Variants in NPAS3 observed in about 807,000 individuals in gnomAD.
NPAS3 encodes the protein neuronal PAS domain-containing protein 3.
NPAS3 carries 14 observed loss-of-function variants against 73.1 expected under a neutral mutation model. The ratio of observed to expected loss-of-function variants is 0.19; its 90% confidence interval spans 0.13 to 0.30. NPAS3 has a LOEUF of 0.30. Among genes scored for constraint, NPAS3 ranks in the 10% least tolerant of loss-of-function variants. The pLI is 1.00. For synonymous variants in NPAS3, 620 were observed against 541.5 expected (o/e 1.14, Z -2.01); for missense variants, 1,096 against 1,250.0 (o/e 0.88, Z 1.86).
chr14:33,534,241 T>C (rs1302531696), intron 4 of NPAS3, among the ~76,000 whole-genome samples: 1 of 150,940 alleles, frequency 6.6e-6, no homozygotes, highest in Non-Finnish European at 1.5e-5. Flanking sequence ...AAAAACTCCT[T>C]ATGTCAGTAC....
intron 3 of NPAS3, among the ~76,000 whole-genome samples, chr14:33,277,755 G>A (rs1386133625): frequency 6.6e-6 from 1 of 152,122 alleles, no homozygotes; most frequent in East Asian, 1.9e-4. Context: ...TGCTGGAGCA[G>A]AATGAGAAAG....
At chr14:33,061,647 G>C (rs1024251821) in intron 2 of NPAS3, among the ~76,000 whole-genome samples, 1 of 152,144 alleles carries the variant, frequency 6.6e-6, no homozygotes, top group African/African-American at 2.4e-5. Context: ...GCCTAGAAGT[G>C]AGTGAATTTA....
intron 10 of NPAS3, among the ~76,000 whole-genome samples, chr14:33,795,160 C>A (rs552552435): frequency 5.9e-5 from 9 of 152,312 alleles, no homozygotes; most frequent in African/African-American, 2.2e-4. Context: ...AATGTGCTTG[C>A]TACCAACAGC....
At chr14:33,623,583 G>A (rs1286493367) in intron 5 of NPAS3, among the ~76,000 whole-genome samples, 4 of 152,122 alleles carry the variant, frequency 2.6e-5, no homozygotes, top group Non-Finnish European at 5.9e-5. Context: ...CAACAACCAC[G>A]ATGGTCCTGT....
chr14:33,056,038 A>C (rs2040875350), intron 2 of NPAS3, 44 bp downstream of exon 2: 1 of 784,492 alleles, frequency 1.3e-6, no homozygotes, highest in African/African-American at 1.7e-5. Context: ...CTCGTACATC[A>C]GTGCTTGTGG....
chr14:33,282,147 G>A (rs1377425598), intron 3 of NPAS3, among the ~76,000 whole-genome samples: 1 of 152,146 alleles, frequency 6.6e-6, no homozygotes, highest in Non-Finnish European at 1.5e-5. Context: ...GCTTACTCAC[G>A]ATTTAAAAAC....
intron 1 of NPAS3, among the ~76,000 whole-genome samples, chr14:32,981,778 G>T (rs2037908288): frequency 6.6e-6 from 1 of 152,084 alleles, no homozygotes; most frequent in African/African-American, 2.4e-5. Flanking sequence ...AACTCCAACA[G>T]CATACTATCT....
At chr14:33,405,758 A>T (rs1186413845) in intron 4 of NPAS3, among the ~76,000 whole-genome samples, 1 of 152,186 alleles carries the variant, frequency 6.6e-6, no homozygotes, top group East Asian at 1.9e-4. Context: ...GGTTTAAAGT[A>T]TTAAAAGCTA....
At chr14:33,030,966 C>T (rs2039968456) in intron 1 of NPAS3, among the ~76,000 whole-genome samples, 1 of 152,128 alleles carries the variant, frequency 6.6e-6, no homozygotes, top group Non-Finnish European at 1.5e-5. Context: ...TTGGTGGAAG[C>T]CTGGTGTTAA....
chr14:33,573,607 T>C lies in NPAS3; in HGVS notation c.558+13397T>C, dbSNP rs191628741. Among the ~76,000 whole-genome samples, 638 of 152,314 alleles carry C rather than the reference T, an allele frequency of 4.2e-3. 8 individuals carry two copies. Among genetic ancestry groups the C allele is most frequent in the African/African-American group, 0.015 (605 of 41,560 alleles). ...AGCATTCCAGGCAAAGGGAGGCATG[T>C]ATGCAAAGCTATTTCTTATGGGAGA... On this transcript the variant is annotated intron_variant, in intron 5 of 11. Transcript: ENST00000356141.
intron 5 of NPAS3, among the ~76,000 whole-genome samples, chr14:33,613,897 T>C (rs556430697): frequency 2.0e-4 from 30 of 152,280 alleles, no homozygotes; most frequent in African/African-American, 5.1e-4. Flanking sequence ...CCCCCTCTTA[T>C]AGGGTAATTA....
At chr14:33,547,255 C>T (rs1360448944) in intron 4 of NPAS3, among the ~76,000 whole-genome samples, 1 of 152,096 alleles carries the variant, frequency 6.6e-6, no homozygotes, top group East Asian at 1.9e-4. Flanking sequence ...GTAGGTCATC[C>T]TGCTACTAAA....
chr14:33,382,009 T>C (rs949705558), intron 4 of NPAS3, among the ~76,000 whole-genome samples: 5 of 152,108 alleles, frequency 3.3e-5, no homozygotes, highest in African/African-American at 9.7e-5. Context: ...GGAAAATCAT[T>C]TGGGGCCACA....
At chr14:33,668,100 A>G (rs367896021) in intron 5 of NPAS3, among the ~76,000 whole-genome samples, 9 of 152,218 alleles carry the variant, frequency 5.9e-5, no homozygotes, top group African/African-American at 2.2e-4. Context: ...ATGATGCTCC[A>G]ATCCGAACAA....
At chr14:33,098,027 T>A in intron 2 of NPAS3, among the ~76,000 whole-genome samples, 1 of 152,192 alleles carries the variant, frequency 6.6e-6, no homozygotes, top group East Asian at 1.9e-4. Flanking sequence ...TTTATATATA[T>A]TTTCCTATTT....
At chr14:33,124,474 TA>T (rs910771225) in intron 2 of NPAS3, among the ~76,000 whole-genome samples, 2 of 152,126 alleles carry the variant, frequency 1.3e-5, no homozygotes, top group Admixed American at 6.5e-5. Flanking sequence ...TACTGCTCTC[TA>T]AAGGGTTGTA....
chr14:33,075,094 AAC>A (rs2041613558), intron 2 of NPAS3, among the ~76,000 whole-genome samples: 1 of 152,214 alleles, frequency 6.6e-6, no homozygotes, highest in African/African-American at 2.4e-5. Context: ...TGAATATTGT[AAC>A]ACCAGAATCT....
intron 4 of NPAS3, among the ~76,000 whole-genome samples, chr14:33,531,428 G>A (rs528707051): frequency 8.5e-5 from 13 of 152,100 alleles, no homozygotes; most frequent in South Asian, 2.1e-4. Flanking sequence ...TTATGAGAAC[G>A]TCATATAAAT....
At chr14:33,515,975 G>C (rs886504766) in intron 4 of NPAS3, among the ~76,000 whole-genome samples, 2 of 152,114 alleles carry the variant, frequency 1.3e-5, no homozygotes, top group African/African-American at 4.8e-5. Flanking sequence ...AACAATGGTA[G>C]CTAAGCCCTA....
Sources: allele counts gnomAD v4.1 joint callset (sites outside exome capture counted in the v4.1 genomes callset), GRCh38; gene constraint gnomAD v4.1.1; transcripts MANE v1.5; gene names NCBI Gene and HGNC (gene_info 2026-07-23, HGNC 2026-07-21).